HNF4G: variants seen among roughly 807,000 people sequenced by gnomAD.
HNF4G encodes the protein hepatocyte nuclear factor 4 gamma, also known as hepatocyte nuclear factor 4-gamma.
In HNF4G, 21 loss-of-function variants were observed where a neutral mutation model predicts 50.9. The observed-to-expected ratio is 0.41, with a 90% CI of 0.29 to 0.59. HNF4G has a LOEUF of 0.59. Among genes scored for constraint, HNF4G ranks in the 20% least tolerant of loss-of-function variants. The probability of loss-of-function intolerance (pLI) is 0.26; values close to 1 mark genes in which losing one functional copy is unlikely to be tolerated. For missense variants in HNF4G, 527 were observed against 559.4 expected (o/e 0.94, Z 0.58); for synonymous variants, 198 against 185.6 (o/e 1.07, Z -0.54).
Position 75,551,497 on chromosome 8 carries a change from A to G in HNF4G, c.489+3A>G. On this transcript the variant is annotated splice_donor_region_variant and intron_variant, in intron 4 of 9. Coordinates refer to ENST00000396423, the MANE Select transcript of HNF4G (RefSeq NM_004133.5). The stretch of plus-strand genomic sequence containing the variant: ...AAGCTGAAGTTCGGTCTCGCCAGGT[A>G]CCTGTGGCACGGCAGCATCAAACCC... 2 of 1,529,620 alleles carry G rather than the reference A, an allele frequency of 1.3e-6. No individual in the cohort carries two copies. The highest frequency in any genetic ancestry group is 1.8e-6 in the Non-Finnish European group (2 of 1,103,172). The allele number at this position is 1,529,620 out of a possible 1,614,324, so 94.8% of individuals were successfully genotyped here.
chr8:75,469,830 G>A (rs1812071840), intron 1 of HNF4G, among the ~76,000 whole-genome samples: 1 of 151,872 alleles, frequency 6.6e-6, no homozygotes, highest in Non-Finnish European at 1.5e-5. Flanking sequence ...TTCCTTTCAA[G>A]TCCCCTCAGT....
chr8:75,474,944 C>T (rs1234299284), intron 1 of HNF4G, among the ~76,000 whole-genome samples: 1 of 151,932 alleles, frequency 6.6e-6, no homozygotes, highest in Non-Finnish European at 1.5e-5. Flanking sequence ...GATCTGCCTG[C>T]CTGGACCTCC....
chr8:75,552,681 G>A (rs1448356586), intron 4 of HNF4G, among the ~76,000 whole-genome samples: 1 of 151,962 alleles, frequency 6.6e-6, no homozygotes, highest in African/African-American at 2.4e-5. Flanking sequence ...AAATCAAAGA[G>A]CATATTACAT....
intron 1 of HNF4G, among the ~76,000 whole-genome samples, chr8:75,470,804 C>G (rs186360884): frequency 2.4e-4 from 36 of 152,200 alleles, no homozygotes; most frequent in African/African-American, 7.7e-4. Context: ...AAATTATTTG[C>G]TATAAGAAAT....
chr8:75,454,074 T>TCTCC (rs1181093165), intron 1 of HNF4G, among the ~76,000 whole-genome samples: 1 of 140,292 alleles, frequency 7.1e-6, no homozygotes, highest in Non-Finnish European at 1.6e-5. Context: ...TCTCTTCCTT[T>TCTCC]CTCCCTCCCT....
intron 1 of HNF4G, among the ~76,000 whole-genome samples, chr8:75,439,490 C>T (rs1811222603): frequency 6.6e-6 from 1 of 151,892 alleles, no homozygotes. Flanking sequence ...AATCTAAAAA[C>T]TTTGTTCTTT....
In HNF4G at chr8:75,540,763, T is replaced by C. The variant is rs1806595919; in HGVS notation, c.118+683T>C. Among the ~76,000 whole-genome samples the C allele has an allele frequency of 2.0e-5, 3 of 151,954 alleles. No individual in the cohort carries two copies. In the South Asian group the frequency reaches 6.2e-4, roughly 31 times the overall value. ...CTATTGACTTTGAATTTAGACTTAATACCCGGTAAAAAAAATCTTGTTTAA... is the reference window on the plus strand; with the variant it reads ...CTATTGACTTTGAATTTAGACTTAACACCCGGTAAAAAAAATCTTGTTTAA... On this transcript the variant is annotated intron_variant, in intron 1 of 9. Transcript: ENST00000396423.
intron 1 of HNF4G, among the ~76,000 whole-genome samples, chr8:75,454,342 A>G (rs1811667515): frequency 6.6e-6 from 1 of 152,196 alleles, no homozygotes; most frequent in Admixed American, 6.5e-5. Context: ...AAGATAGGTG[A>G]TACTGAGGGT....
At chr8:75,435,428 G>A (rs537052625) in intron 1 of HNF4G, among the ~76,000 whole-genome samples, 4 of 152,072 alleles carry the variant, frequency 2.6e-5, no homozygotes, top group South Asian at 4.2e-4. Context: ...TGCAGCTATC[G>A]AACTTTTTTA....
In HNF4G at chr8:75,565,145, C is replaced by T. The variant is rs188294689; in HGVS notation, c.*1049C>T. On this transcript the variant is annotated 3_prime_UTR_variant, in exon 10 of 10. Coordinates refer to ENST00000396423, the MANE Select transcript of HNF4G (RefSeq NM_004133.5). ...TCACAAACATAACGAGTGAGAGAAACACATTCAAGCCCAGGTCTAGTTGAC... is the reference window on the plus strand; with the variant it reads ...TCACAAACATAACGAGTGAGAGAAATACATTCAAGCCCAGGTCTAGTTGAC... The T allele has an allele frequency of 4.6e-5, 7 of 152,260 alleles. No individual in the cohort carries two copies. Among genetic ancestry groups the T allele is most frequent in the Admixed American group, 2.0e-4 (3 of 15,274 alleles). The allele number at this position is 152,260 out of a possible 1,614,324, so 9.4% of individuals were successfully genotyped here.
intron 1 of HNF4G, among the ~76,000 whole-genome samples, chr8:75,443,625 G>C (rs1229050026): frequency 6.6e-6 from 1 of 152,106 alleles, no homozygotes; most frequent in African/African-American, 2.4e-5. Context: ...TCACCAGAGT[G>C]GTGGGGATTA....
At position 75,434,001 on chromosome 8, in the gene HNF4G, T is replaced by A. The variant is rs1420684545; in HGVS notation, c.-144+25839T>A. ...ACCTTAAAATAACTTATGTTTCTTT[T>A]CTTTTTTTTTTTTTTTTTTTTGAGA... On this transcript the variant is annotated intron_variant, in intron 1 of 10. Coordinates refer to the HNF4G transcript ENST00000354370. 2.0e-5 allele frequency among the ~76,000 whole-genome samples: 3 copies of A among 149,356 alleles called. No homozygotes were observed. In the East Asian group the frequency reaches 5.9e-4, roughly 29 times the overall value.
rs188833806 is a variant in HNF4G, at chr8:75,471,922, C to T, written c.-143-18167C>T. On this transcript the variant is annotated intron_variant, in intron 1 of 10. Coordinates refer to the HNF4G transcript ENST00000354370. ...ATGGAAAGAGAACAGATCTTTGCTT[C>T]ATGGCTTCTTACTTATGGTACTTGA... is the stretch of plus-strand genomic sequence containing the variant. Among the ~76,000 whole-genome samples, 95 of 152,316 alleles carry T rather than the reference C, an allele frequency of 6.2e-4. 1 individual carries two copies. The highest frequency in any genetic ancestry group is 5.3e-4 in the Non-Finnish European group (36 of 68,008).
At chr8:75,558,318 A>G (rs1807190215) in intron 6 of HNF4G, among the ~76,000 whole-genome samples, 200 bp from the exon 7 acceptor site, 1 of 152,190 alleles carries the variant, frequency 6.6e-6, no homozygotes, top group Non-Finnish European at 1.5e-5. Context: ...ATGTGATCAC[A>G]TTATTAATGT....
chr8:75,502,146 T>A (rs976064951), intron 2 of HNF4G, among the ~76,000 whole-genome samples: 9 of 152,134 alleles, frequency 5.9e-5, no homozygotes, highest in African/African-American at 1.9e-4. Flanking sequence ...CCACCGCGCC[T>A]GGCCCTGAAG....
At chr8:75,421,935 G>C (rs1478581496) in intron 1 of HNF4G, among the ~76,000 whole-genome samples, 1 of 151,890 alleles carries the variant, frequency 6.6e-6, no homozygotes, top group Non-Finnish European at 1.5e-5. Context: ...TCATTTGTTT[G>C]TTTCTATGTG....
intron 1 of HNF4G, among the ~76,000 whole-genome samples, chr8:75,433,322 G>A (rs1159937919): frequency 2.6e-5 from 4 of 150,998 alleles, no homozygotes; most frequent in Non-Finnish European, 4.4e-5. Flanking sequence ...GCAGAGGATC[G>A]CTTGAGCCCA....
rs185409544 is a variant in HNF4G at position 75,565,628 on chromosome 8, T to C, written c.*1532T>C. The C allele has an allele frequency of 9.9e-5, 15 of 152,144 alleles. No individual in the cohort carries two copies. Among genetic ancestry groups the C allele is most frequent in the African/African-American group, 3.1e-4 (13 of 41,510 alleles). The allele number at this position is 152,144 out of a possible 1,614,324, so 9.4% of individuals were successfully genotyped here. A position where few individuals can be genotyped will look rare whatever the true frequency, so the allele number is the denominator to read the frequency against. ...CCTCTCTGGTTGAGGAGAGGGAAAATTGGAAAAACTGGTCGAGTAATTATC... is the reference window on the plus strand; with the variant it reads ...CCTCTCTGGTTGAGGAGAGGGAAAACTGGAAAAACTGGTCGAGTAATTATC... On this transcript the variant is annotated 3_prime_UTR_variant, in exon 10 of 10. Transcript: ENST00000396423.
At chr8:75,511,972 T>C (rs981324630) in intron 2 of HNF4G, among the ~76,000 whole-genome samples, 2 of 152,218 alleles carry the variant, frequency 1.3e-5, no homozygotes, top group African/African-American at 4.8e-5. Context: ...TTTTATTTCT[T>C]TCAAATCTCA....
Sources: gnomAD v4.1 joint callset for allele counts (sites outside exome capture counted in the v4.1 genomes callset) on GRCh38, gnomAD v4.1.1 for gene constraint, MANE v1.5 for transcripts, NCBI Gene and HGNC (gene_info 2026-07-23, HGNC 2026-07-21) for gene names.